Variants in CHCHD6 observed in about 807,000 individuals in gnomAD.
CHCHD6 encodes the protein MICOS complex subunit MIC25.
Under a neutral mutation model 32.3 loss-of-function variants are expected in CHCHD6, and 28 were observed. The ratio of observed to expected loss-of-function variants is 0.87; its 90% CI spans 0.64 to 1.19. The LOEUF is 1.19. CHCHD6 is among the 50% of genes most tolerant of loss of function. The pLI is 0.00. For missense variants in CHCHD6, 333 were observed against 307.0 expected (o/e 1.08, Z -0.63); for synonymous variants, 122 against 117.5 (o/e 1.04, Z -0.25).
At chr3:126,827,991 A>G (rs752976101) in intron 4 of CHCHD6, among the ~76,000 whole-genome samples, 1 of 151,850 alleles carries the variant, frequency 6.6e-6, no homozygotes, top group African/African-American at 2.4e-5. Context: ...ATTAACTCCT[A>G]TTTATTCTTC....
chr3:126,762,455 C>G (rs1480568586), intron 4 of CHCHD6, among the ~76,000 whole-genome samples: 1 of 151,990 alleles, frequency 6.6e-6, no homozygotes, highest in Non-Finnish European at 1.5e-5. Flanking sequence ...AGTTTTCTTT[C>G]TCATTGATTT....
At chr3:126,912,549 A>G (rs944932662) in intron 5 of CHCHD6, among the ~76,000 whole-genome samples, 9 of 152,178 alleles carry the variant, frequency 5.9e-5, no homozygotes, top group African/African-American at 1.7e-4. Flanking sequence ...GTAGCTGTAG[A>G]GGGAGGCATC....
intron 4 of CHCHD6, among the ~76,000 whole-genome samples, chr3:126,753,478 G>A (rs529222159): frequency 1.3e-4 from 20 of 152,308 alleles, no homozygotes; most frequent in South Asian, 1.2e-3. Flanking sequence ...CCATAGCTGC[G>A]GCTTGTAGAC....
intron 5 of CHCHD6, among the ~76,000 whole-genome samples, chr3:126,863,459 T>C (rs1422407446): frequency 1.5e-5 from 1 of 65,882 alleles, no homozygotes; most frequent in Non-Finnish European, 3.0e-5. Context: ...TCCCCCACTG[T>C]CACCACCTCC....
chr3:126,851,204 G>A (rs1451211164), intron 4 of CHCHD6, among the ~76,000 whole-genome samples: 1 of 152,222 alleles, frequency 6.6e-6, no homozygotes, highest in Non-Finnish European at 1.5e-5. Flanking sequence ...GCACTCAGGG[G>A]CACTAGTGAG....
At chr3:126,960,125 G>A in intron 7 of CHCHD6, 71 bp from the exon 8 acceptor site, 1 of 1,545,754 alleles carries the variant, frequency 6.5e-7, no homozygotes, top group Non-Finnish European at 8.8e-7. Flanking sequence ...CTGTCACAGG[G>A]CGATCTGCAC....
intron 5 of CHCHD6, among the ~76,000 whole-genome samples, chr3:126,854,495 G>A (rs564985478): frequency 6.6e-6 from 1 of 152,322 alleles, no homozygotes; most frequent in Admixed American, 6.5e-5. Context: ...TTTGAAAAAG[G>A]TTTTTGATCT....
At chr3:126,853,180 G>A (rs1214909165) in intron 5 of CHCHD6, among the ~76,000 whole-genome samples, 3 of 150,794 alleles carry the variant, frequency 2.0e-5, no homozygotes, top group African/African-American at 7.3e-5. Flanking sequence ...AGTGCACTAC[G>A]GCTGCACACT....
rs530828873 is a variant in CHCHD6 at position 126,934,795 on chromosome 3, C to T, written c.566+20045C>T. On this transcript the variant is annotated intron_variant, in intron 6 of 7. Coordinates refer to ENST00000290913, the MANE Select transcript of CHCHD6 (RefSeq NM_032343.3). Reference sequence around the variant, plus strand: ...CGATCTCCTGACCTCATGATCCGCCCGCCTCGGCCTCCCAGAGTGCTGGGA... The same window carrying T: ...CGATCTCCTGACCTCATGATCCGCCTGCCTCGGCCTCCCAGAGTGCTGGGA... Among the ~76,000 whole-genome samples the T allele has an allele frequency of 4.6e-5, 7 of 152,168 alleles. No homozygotes were observed. The East Asian group carries it at 7.7e-4, about 17-fold the overall frequency.
chr3:126,840,644 A>G (rs1282245501), intron 4 of CHCHD6, among the ~76,000 whole-genome samples: 2 of 152,244 alleles, frequency 1.3e-5, no homozygotes, highest in East Asian at 1.9e-4. Flanking sequence ...TAATATGGTC[A>G]TGGATAGGTA....
chr3:126,745,260 G>A (rs1393262160), intron 4 of CHCHD6, among the ~76,000 whole-genome samples: 1 of 152,194 alleles, frequency 6.6e-6, no homozygotes, highest in Non-Finnish European at 1.5e-5. Flanking sequence ...CCATAGCCTT[G>A]TGGCTTAGCG....
intron 4 of CHCHD6, among the ~76,000 whole-genome samples, chr3:126,827,215 A>G (rs145845169): frequency 6.6e-6 from 1 of 152,318 alleles, no homozygotes; most frequent in Non-Finnish European, 1.5e-5. Flanking sequence ...GCATTGTGCA[A>G]CTATTGAAGG....
chr3:126,706,085 A>C (rs1934474523), intron 1 of CHCHD6, among the ~76,000 whole-genome samples: 1 of 152,134 alleles, frequency 6.6e-6, no homozygotes, highest in African/African-American at 2.4e-5. Flanking sequence ...TAGAAAGATA[A>C]GCTTGGCTCT....
At chr3:126,865,813 C>A in intron 5 of CHCHD6, 1 of 880,654 alleles carries the variant, frequency 1.1e-6, no homozygotes, top group Non-Finnish European at 1.4e-6. Context: ...ATATATCTCA[C>A]ACTAATCTCT....
At position 126,914,937 on chromosome 3, in the gene CHCHD6, C is replaced by G. The variant is rs116481276; in HGVS notation, c.566+187C>G. On this transcript the variant is annotated intron_variant, in intron 6 of 7. Transcript: ENST00000290913. ...GGTCATCTGTAATTGGCCAAATTAG[C>G]ACTCAGTTCTTATCTAGCTCCTTGG... Among the ~76,000 whole-genome samples, 932 of 152,344 alleles carry G rather than the reference C, an allele frequency of 6.1e-3. 9 individuals carry two copies. The highest frequency in any genetic ancestry group is 0.021 in the African/African-American group (891 of 41,580).
chr3:126,806,352 C>T (rs537616849), intron 4 of CHCHD6, among the ~76,000 whole-genome samples: 1 of 151,968 alleles, frequency 6.6e-6, no homozygotes, highest in Non-Finnish European at 1.5e-5. Flanking sequence ...AACAAATTTA[C>T]AAGAAAAAAA....
intron 5 of CHCHD6, among the ~76,000 whole-genome samples, chr3:126,857,626 A>G (rs1181543354): frequency 6.6e-6 from 1 of 152,130 alleles, no homozygotes; most frequent in Non-Finnish European, 1.5e-5. Flanking sequence ...CACAAGCTAC[A>G]CAAGGTGTTT....
intron 4 of CHCHD6, among the ~76,000 whole-genome samples, chr3:126,754,463 T>C (rs890948083): frequency 5.9e-5 from 9 of 152,320 alleles, no homozygotes; most frequent in East Asian, 5.8e-4. Flanking sequence ...CAAATCTCCC[T>C]GTGGACATCT....
At chr3:126,745,738 T>G (rs968503582) in intron 4 of CHCHD6, among the ~76,000 whole-genome samples, 2 of 152,172 alleles carry the variant, frequency 1.3e-5, no homozygotes, top group Admixed American at 1.3e-4. Context: ...AAAACAGACC[T>G]TCCAGATCCC....
Sources: gnomAD v4.1 joint callset for allele counts (sites outside exome capture counted in the v4.1 genomes callset) on GRCh38, gnomAD v4.1.1 for gene constraint, MANE v1.5 for transcripts, NCBI Gene and HGNC (gene_info 2026-07-23, HGNC 2026-07-21) for gene names.